Variants in REDIC1 observed in about 807,000 individuals in gnomAD.
REDIC1 encodes the protein regulator of DNA class I crossover intermediates 1.
the REDIC1 span, chr12:39,756,819 A>G: frequency 6.6e-6 from 1 of 151,730 alleles, no homozygotes; most frequent in African/African-American, 2.4e-5. Flanking sequence ...TGAATAACTT[A>G]ATATTTAGAC....
chr12:39,692,953 C>A, the REDIC1 span, among the ~76,000 whole-genome samples: 1 of 152,052 alleles, frequency 6.6e-6, no homozygotes, highest in African/African-American at 2.4e-5. Context: ...CCAACAATAT[C>A]TCAGTCTTTT....
chr12:39,845,122 A>G, the REDIC1 span, among the ~76,000 whole-genome samples: 1 of 152,110 alleles, frequency 6.6e-6, no homozygotes, highest in Admixed American at 6.5e-5. Flanking sequence ...AATATCTAGT[A>G]TCTGCATTCT....
chr12:39,837,960 A>C, the REDIC1 span, among the ~76,000 whole-genome samples: 30 of 151,226 alleles, frequency 2.0e-4, no homozygotes, highest in African/African-American at 2.9e-4. Flanking sequence ...AGAACTAGAA[A>C]TACCATTTGA....
At chr12:39,626,315 C>T in the REDIC1 span, 1 of 1,614,004 alleles carries the variant, frequency 6.2e-7, no homozygotes, top group Non-Finnish European at 8.5e-7. Flanking sequence ...ACAGGGACCT[C>T]AGTGTCAAAA....
At chr12:39,721,293 C>A in the REDIC1 span, 1 of 1,514,932 alleles carries the variant, frequency 6.6e-7, no homozygotes, top group Non-Finnish European at 9.0e-7. Flanking sequence ...TTCACTTGCC[C>A]TTAGAAAACA....
chr12:39,762,477 T>C, the REDIC1 span, among the ~76,000 whole-genome samples: 20,329 of 152,030 alleles, frequency 0.13, 1,630 homozygotes, highest in East Asian at 0.39. Context: ...CCACATGTGC[T>C]GTATATAAAA....
the REDIC1 span, among the ~76,000 whole-genome samples, chr12:39,663,860 G>A: frequency 8.2e-3 from 1,243 of 151,886 alleles, 16 homozygotes; most frequent in African/African-American, 0.028. Context: ...TGAATCTCCT[G>A]CTTTCTTTTT....
At chr12:39,809,761 G>GT in the REDIC1 span, among the ~76,000 whole-genome samples, 24 of 151,972 alleles carry the variant, frequency 1.6e-4, no homozygotes, top group Non-Finnish European at 3.2e-4. Context: ...GCGGTGTTTG[G>GT]TTTTTTTGTC....
chr12:39,657,281 C>G, the REDIC1 span, among the ~76,000 whole-genome samples: 1 of 152,082 alleles, frequency 6.6e-6, no homozygotes, highest in Non-Finnish European at 1.5e-5. Flanking sequence ...GTACTGTAGG[C>G]AATACTGTAC....
the REDIC1 span, among the ~76,000 whole-genome samples, chr12:39,789,304 TTA>T: frequency 6.6e-6 from 1 of 152,108 alleles, no homozygotes; most frequent in Non-Finnish European, 1.5e-5. Flanking sequence ...TAATGGATTA[TTA>T]TATGATTTAT....
the REDIC1 span, among the ~76,000 whole-genome samples, chr12:39,719,423 C>T: frequency 6.6e-6 from 1 of 152,064 alleles, no homozygotes; most frequent in South Asian, 2.1e-4. Context: ...CCCAGGAGTT[C>T]GTGACCAGCC....
the REDIC1 span, among the ~76,000 whole-genome samples, chr12:39,832,321 A>G: frequency 6.6e-6 from 1 of 152,154 alleles, no homozygotes; most frequent in Non-Finnish European, 1.5e-5. Flanking sequence ...AATTGTTCCA[A>G]TGGCCTTAAA....
the REDIC1 span, among the ~76,000 whole-genome samples, chr12:39,719,213 C>A: frequency 1.3e-5 from 2 of 152,058 alleles, no homozygotes; most frequent in South Asian, 4.1e-4. Flanking sequence ...TCTTTGTTAA[C>A]TAGTTCCATT....
chr12:39,860,394 G>A, the REDIC1 span, among the ~76,000 whole-genome samples: 2 of 152,180 alleles, frequency 1.3e-5, no homozygotes, highest in South Asian at 4.1e-4. Context: ...GAATTGCAAA[G>A]GTAGCTAGAG....
chr12:39,869,002 A>C, the REDIC1 span, among the ~76,000 whole-genome samples: 1 of 152,206 alleles, frequency 6.6e-6, no homozygotes, highest in African/African-American at 2.4e-5. Context: ...AATAAATCAT[A>C]GTAAGAACAC....
the REDIC1 span, among the ~76,000 whole-genome samples, chr12:39,814,358 A>G: frequency 6.6e-6 from 1 of 152,198 alleles, no homozygotes; most frequent in Non-Finnish European, 1.5e-5. Flanking sequence ...AAACTAGCCT[A>G]AACTTTTTCC....
the REDIC1 span, among the ~76,000 whole-genome samples, chr12:39,845,139 TGGGCAGTCAC>T: frequency 6.6e-6 from 1 of 152,224 alleles, no homozygotes; most frequent in African/African-American, 2.4e-5. Flanking sequence ...TTCTTTGTGA[TGGGCAGTCAC>T]GTTGCCTTTA....
At chr12:39,823,386 T>C in the REDIC1 span, among the ~76,000 whole-genome samples, 3 of 152,174 alleles carry the variant, frequency 2.0e-5, no homozygotes, top group Non-Finnish European at 4.4e-5. Flanking sequence ...ATGTGGTTTG[T>C]CAATGATAAA....
chr12:39,629,637 T>G, the REDIC1 span, among the ~76,000 whole-genome samples: 1 of 152,176 alleles, frequency 6.6e-6, no homozygotes, highest in African/African-American at 2.4e-5. Flanking sequence ...GAAATAAGCT[T>G]CCCTTATTTT....
Sources: allele counts gnomAD v4.1 joint callset (sites outside exome capture counted in the v4.1 genomes callset), GRCh38; gene constraint gnomAD v4.1.1; transcripts MANE v1.5; gene names NCBI Gene and HGNC (gene_info 2026-07-23, HGNC 2026-07-21).